CHST15: variants seen among roughly 807,000 people sequenced by gnomAD.
The protein encoded by CHST15 is carbohydrate sulfotransferase 15, also known as B cell RAG associated protein (GALNAC4S-6ST).
Under a neutral mutation model 53.6 loss-of-function variants are expected in CHST15, and 30 were observed. The ratio of observed to expected loss-of-function variants is 0.56; its 90% CI spans 0.42 to 0.76. The LOEUF (loss-of-function observed/expected upper bound fraction) is 0.76. Ranked by LOEUF, CHST15 falls within the 30% of genes least tolerant of loss-of-function variation. CHST15 has a pLI of 0.00. For synonymous variants in CHST15, 296 were observed against 289.8 expected (o/e 1.02, Z -0.22); for missense variants, 627 against 740.5 (o/e 0.85, Z 1.78).
intron 1 of CHST15, among the ~76,000 whole-genome samples, chr10:124,087,911 C>A (rs910868521): frequency 6.6e-6 from 1 of 152,238 alleles, no homozygotes; most frequent in African/African-American, 2.4e-5. Context: ...TGAAGGGTAG[C>A]TGTTTACCAG....
At chr10:124,087,600 A>G (rs1949470800) in intron 1 of CHST15, among the ~76,000 whole-genome samples, 2 of 152,156 alleles carry the variant, frequency 1.3e-5, no homozygotes, top group African/African-American at 4.8e-5. Context: ...TCTGCTTTTG[A>G]GGATCTGCCA....
intron 1 of CHST15, among the ~76,000 whole-genome samples, chr10:124,078,997 A>T (rs1335950416): frequency 6.6e-6 from 1 of 152,182 alleles, no homozygotes; most frequent in East Asian, 1.9e-4. Flanking sequence ...GAGTGCCAAG[A>T]GATTATGGGG....
At chr10:124,090,834 AC>A (rs1459742849) in intron 1 of CHST15, among the ~76,000 whole-genome samples, 3 of 151,948 alleles carry the variant, frequency 2.0e-5, no homozygotes, top group Non-Finnish European at 2.9e-5. Context: ...CCTGCCTGCC[AC>A]CCCCCTGGAC....
rs746902276 is a variant in CHST15 at position 124,021,165 on chromosome 10, G to A, written c.1347+91C>T. The A allele has an allele frequency of 1.9e-5, 25 of 1,338,058 alleles. 1 individual carries two copies. The highest frequency in any genetic ancestry group is 4.8e-5 in the Admixed American group (2 of 41,704). 82.9% of individuals were successfully genotyped at this position (1,338,058 alleles called of 1,614,324 possible). A position where few individuals can be genotyped will look rare whatever the true frequency, so the allele number is the denominator to read the frequency against. Reference sequence around the variant, plus strand: ...CTTCTCTCTGTTCCTATGCTGAAACGCAAACCCACAATGCCGCTTGCATAA... The same window carrying A: ...CTTCTCTCTGTTCCTATGCTGAAACACAAACCCACAATGCCGCTTGCATAA... On this transcript the variant is annotated intron_variant, in intron 6 of 7. Coordinates refer to ENST00000435907, the MANE Select transcript of CHST15 (RefSeq NM_001270764.2).
At chr10:124,060,322 C>T (rs1336200782) in intron 1 of CHST15, among the ~76,000 whole-genome samples, 2 of 148,400 alleles carry the variant, frequency 1.3e-5, no homozygotes, top group Non-Finnish European at 3.0e-5. Context: ...CCCCCAGAAA[C>T]GTGTTGTGCC....
At chr10:124,029,282 C>A (rs1947127693) in intron 5 of CHST15, among the ~76,000 whole-genome samples, 1 of 152,206 alleles carries the variant, frequency 6.6e-6, no homozygotes, top group South Asian at 2.1e-4. Context: ...CAGGACTGGC[C>A]AGGCCAGCTG....
chr10:124,015,260 T>C (rs907362004), intron 6 of CHST15, among the ~76,000 whole-genome samples: 18 of 151,838 alleles, frequency 1.2e-4, no homozygotes, highest in East Asian at 3.9e-4. Context: ...AGAATCAAAA[T>C]AGAACAAAAA....
intron 1 of CHST15, among the ~76,000 whole-genome samples, chr10:124,073,713 T>C (rs535823312): frequency 7.2e-5 from 11 of 152,376 alleles, no homozygotes; most frequent in Admixed American, 6.5e-4. Context: ...TCCTTGCGCC[T>C]TGACCATGAA....
intron 4 of CHST15, among the ~76,000 whole-genome samples, chr10:124,041,458 T>C (rs984715301): frequency 2.0e-5 from 3 of 152,190 alleles, no homozygotes; most frequent in African/African-American, 7.2e-5. Context: ...GCATGTGCAC[T>C]GTAGTTATTA....
chr10:124,046,301 C>T lies in CHST15; in HGVS notation c.-89G>A. 1 of 1,243,974 alleles carries T rather than the reference C, an allele frequency of 8.0e-7. No individual in the cohort carries two copies. The highest frequency in any genetic ancestry group is 1.5e-5 in the South Asian group (1 of 67,236). The allele number at this position is 1,243,974 out of a possible 1,614,324, so 77.1% of individuals were successfully genotyped here. A position where few individuals can be genotyped will look rare whatever the true frequency, so the allele number is the denominator to read the frequency against. On this transcript the variant is annotated 5_prime_UTR_variant, in exon 2 of 8. Coordinates refer to ENST00000435907, the MANE Select transcript of CHST15 (RefSeq NM_001270764.2). Reference sequence around the variant, plus strand: ...ATGTCCGCAAGTCGTGCTAGAAAACCTTAAGAATGCCTTGTGATCACAGAA... The same window carrying T: ...ATGTCCGCAAGTCGTGCTAGAAAACTTTAAGAATGCCTTGTGATCACAGAA...
At chr10:124,080,706 G>T (rs4397784) in intron 1 of CHST15, among the ~76,000 whole-genome samples, 22,813 of 152,238 alleles carry the variant, frequency 0.15, 2,147 homozygotes, top group South Asian at 0.25. Context: ...AAAGCTGAAG[G>T]ATTAGGGCAA....
At chr10:124,037,759 G>T (rs1947559049) in intron 5 of CHST15, among the ~76,000 whole-genome samples, 1 of 152,188 alleles carries the variant, frequency 6.6e-6, no homozygotes, top group Admixed American at 6.5e-5. Flanking sequence ...GCTCAGCATT[G>T]TTCTTCCTTT....
intron 5 of CHST15, among the ~76,000 whole-genome samples, chr10:124,029,446 C>A (rs572156232): frequency 9.2e-5 from 14 of 152,218 alleles, no homozygotes; most frequent in Non-Finnish European, 1.3e-4. Context: ...CTATTTCCTA[C>A]CAGGCCCTAG....
In CHST15 at chr10:124,045,890, G is replaced by A. The variant is rs1211830928; in HGVS notation, c.323C>T (p.Ser108Leu). The change falls in exon 2 of 8, where the codon TCA becomes TTA. Residue 108 changes from serine to leucine, a missense_variant. Coordinates refer to ENST00000435907, the MANE Select transcript of CHST15 (RefSeq NM_001270764.2). ...GAAGCCTCCGTAATGGAAAGGTGATGAGATCAGAAGCTCTTGGTGGGCCCC... is the reference window on the plus strand; with the variant it reads ...GAAGCCTCCGTAATGGAAAGGTGATAAGATCAGAAGCTCTTGGTGGGCCCC... ...LSGAHQELLISSPFHYGGFPS... is the reference protein window; with the variant it reads ...LSGAHQELLILSPFHYGGFPS... The A allele has an allele frequency of 1.2e-6, 2 of 1,614,006 alleles. No individual in the cohort carries two copies. The highest frequency in any genetic ancestry group is 3.3e-5 in the Admixed American group (2 of 60,014).
chr10:124,051,292 A>G (rs1590278160), intron 1 of CHST15, among the ~76,000 whole-genome samples: 2 of 152,210 alleles, frequency 1.3e-5, no homozygotes, highest in African/African-American at 4.8e-5. Flanking sequence ...TAAAATATGT[A>G]TAGAATAGTT....
chr10:124,012,246 C>A, intron 7 of CHST15, 87 bp downstream of exon 7: 2 of 1,481,068 alleles, frequency 1.4e-6, no homozygotes, highest in Non-Finnish European at 1.8e-6. Context: ...ACCCAGCTGA[C>A]CAGGTCTGCA....
chr10:124,042,425 C>T lies in CHST15; in HGVS notation c.909G>A (p.Gly303=), dbSNP rs1463244014. Residue 303 remains glycine (G), a synonymous_variant, in exon 4 of 8, where the codon GGG becomes GGA. Transcript: ENST00000435907. ...KRFGIVRLRD[G]LRDRYPVEDY... is the part of the protein sequence containing the mutation. Reference sequence around the variant, plus strand: ...CTTCCACGGGATAGCGGTCTCGCAGCCCATCTCTTAGGCGGACGATTCCTA... The same window carrying T: ...CTTCCACGGGATAGCGGTCTCGCAGTCCATCTCTTAGGCGGACGATTCCTA... 1 of 1,614,038 alleles carries T rather than the reference C, an allele frequency of 6.2e-7. No individual in the cohort carries two copies. The highest frequency in any genetic ancestry group is 8.5e-7 in the Non-Finnish European group (1 of 1,180,018).
intron 5 of CHST15, among the ~76,000 whole-genome samples, chr10:124,032,038 T>TA (rs1412565947): frequency 1.3e-5 from 2 of 152,256 alleles, no homozygotes; most frequent in Non-Finnish European, 2.9e-5. Flanking sequence ...TCAGCCCTGC[T>TA]ATTCCTCTGT....
At chr10:124,021,043 A>G in intron 6 of CHST15, 11 of 1,436,494 alleles carry the variant, frequency 7.7e-6, no homozygotes, top group Non-Finnish European at 1.0e-5. Flanking sequence ...GTGGCAGGTG[A>G]CCAGCAGGGA....
Sources: allele counts gnomAD v4.1 joint callset (sites outside exome capture counted in the v4.1 genomes callset), GRCh38; gene constraint gnomAD v4.1.1; transcripts MANE v1.5; gene names NCBI Gene and HGNC (gene_info 2026-07-23, HGNC 2026-07-21).